The following SNX2 variants were observed in gnomAD, a reference collection of about 807,000 sequenced individuals.
The protein encoded by SNX2 is sorting nexin-2.
SNX2 carries 25 observed loss-of-function variants against 69.9 expected under a neutral mutation model. The observed-to-expected ratio is 0.36, with a 90% CI of 0.26 to 0.50. The LOEUF is 0.50. SNX2 is among the 20% of genes least tolerant of loss of function. The pLI, the probability that SNX2 is intolerant of heterozygous loss-of-function variation, is 0.97. For missense variants in SNX2, 551 were observed against 613.3 expected, an observed-to-expected ratio of 0.90 and a Z score of 1.07; for synonymous variants, 229 against 200.4, an observed-to-expected ratio of 1.14 and a Z score of -1.20.
rs983097680 is a variant in SNX2, at chr5:122,777,840, A to G, written c.108+2629A>G. On this transcript the variant is annotated intron_variant, in intron 1 of 14. Transcript: ENST00000379516. Reference sequence around the variant, plus strand: ...ACGTTTATCAGTTCTTTGTGTTGGAACATTCAAAATCTGCTCATCTAGCCC... The same window carrying G: ...ACGTTTATCAGTTCTTTGTGTTGGAGCATTCAAAATCTGCTCATCTAGCCC... Among the ~76,000 whole-genome samples the G allele has an allele frequency of 6.6e-5, 10 of 152,336 alleles. 1 individual carries two copies. The highest frequency in any genetic ancestry group is 6.8e-3 in the Middle Eastern group (2 of 294).
At chr5:122,780,451 A>G (rs774202717) in intron 1 of SNX2, among the ~76,000 whole-genome samples, 12 of 152,212 alleles carry the variant, frequency 7.9e-5, no homozygotes, top group Non-Finnish European at 1.3e-4. Flanking sequence ...AGAATTATCA[A>G]GAGAAAGTAG....
At chr5:122,788,506 A>G (rs1756415843) in intron 1 of SNX2, among the ~76,000 whole-genome samples, 2 of 152,138 alleles carry the variant, frequency 1.3e-5, no homozygotes, top group African/African-American at 4.8e-5. Context: ...ACATTTTGGT[A>G]TTGTCCCATA....
chr5:122,775,114 A>G lies in SNX2; in HGVS notation c.11A>G (p.Glu4Gly). Residue 4 changes from glutamate (E) to glycine (G), a missense_variant, in exon 1 of 15, where the codon GAG (glutamate) becomes GGG (glycine). Transcript: ENST00000379516. ...TTCGGGTGAGCGAAGATGGCGGCCG[A>G]GAGGGAACCTCCTCCGCTGGGGGAC... MAA[E>G]REPPPLGDGK... 2 of 1,589,794 alleles carry G rather than the reference A, an allele frequency of 1.3e-6. No individual in the cohort carries two copies. Among genetic ancestry groups the G allele is most frequent in the Non-Finnish European group, 1.7e-6 (2 of 1,170,028 alleles).
intron 1 of SNX2, among the ~76,000 whole-genome samples, chr5:122,790,127 T>C (rs529564661): frequency 2.0e-5 from 3 of 152,206 alleles, no homozygotes; most frequent in Admixed American, 6.5e-5. Flanking sequence ...AGGATCCACT[T>C]TTTCTTTTTC....
chr5:122,780,287 T>TA (rs1448392129), intron 1 of SNX2, among the ~76,000 whole-genome samples: 1 of 152,134 alleles, frequency 6.6e-6, no homozygotes, highest in Non-Finnish European at 1.5e-5. Context: ...ATCGTGTGAA[T>TA]AAATACCTGC....
intron 7 of SNX2, among the ~76,000 whole-genome samples, chr5:122,812,571 C>T (rs1753804204): frequency 1.3e-5 from 2 of 152,348 alleles, no homozygotes; most frequent in Admixed American, 1.3e-4. Context: ...ATCTTAAATA[C>T]TTGGTCCCAT....
intron 11 of SNX2, among the ~76,000 whole-genome samples, chr5:122,824,904 A>T (rs1334324748): frequency 6.6e-6 from 1 of 152,158 alleles, no homozygotes; most frequent in Admixed American, 6.5e-5. Context: ...TATACTCCTT[A>T]TGTTATTTCT....
intron 1 of SNX2, 183 bp downstream of exon 1, chr5:122,775,394 C>A (rs1752833217): frequency 1.5e-6 from 2 of 1,294,100 alleles, no homozygotes; most frequent in Non-Finnish European, 2.0e-6. Context: ...CGCAGGGCCT[C>A]CTCAGGAGAG....
Position 122,801,892 on chromosome 5 carries a change from C to T in SNX2, c.414C>T (p.Asp138=). Residue 138 remains aspartate, a synonymous_variant, in exon 4 of 15, where the codon GAC becomes GAT. Coordinates refer to ENST00000379516, the MANE Select transcript of SNX2 (RefSeq NM_003100.4). ...AGATTGAAGAAGAAGCAAATGGAGA[C>T]ATTTTTGACATAGAAATTGGTGTAT... The part of the protein sequence containing the change: ...REEIEEEANG[D]IFDIEIGVSD... 1 of 1,600,498 alleles carries T rather than the reference C, an allele frequency of 6.2e-7. No individual in the cohort carries two copies. Among genetic ancestry groups the T allele is most frequent in the South Asian group, 1.1e-5 (1 of 89,092 alleles).
Position 122,776,891 on chromosome 5 carries a change from G to C in SNX2, c.108+1680G>C, listed in dbSNP as rs571869129. ...TTTTTTCAGTAAGTCTGCAAAGTTT[G>C]ATCATGAATAATTTATCTTGGTTAA... On this transcript the variant is annotated intron_variant, in intron 1 of 14. Transcript: ENST00000379516. 1.7e-4 allele frequency among the ~76,000 whole-genome samples: 26 copies of C among 152,230 alleles called. No homozygotes were observed. The South Asian group carries it at 5.2e-3, about 30-fold the overall frequency.
chr5:122,782,598 A>G (rs10059964), intron 1 of SNX2, among the ~76,000 whole-genome samples: 97,671 of 151,172 alleles, frequency 0.65, 32,175 homozygotes, highest in African/African-American at 0.78. Context: ...AGCAGTTGGC[A>G]CAATCTCTGC....
intron 2 of SNX2, 41 bp downstream of exon 2, chr5:122,795,424 A>G: frequency 7.7e-7 from 1 of 1,298,638 alleles, no homozygotes; most frequent in Non-Finnish European, 1.1e-6. Context: ...GGTCAATTGC[A>G]GTATATTTTC....
chr5:122,787,797 C>T (rs1427839531), intron 1 of SNX2, among the ~76,000 whole-genome samples: 1 of 152,146 alleles, frequency 6.6e-6, no homozygotes, highest in Non-Finnish European at 1.5e-5. Flanking sequence ...GGTGTTAAAA[C>T]TACGAGTACC....
chr5:122,794,817 T>G (rs968433085), intron 1 of SNX2, among the ~76,000 whole-genome samples: 1 of 151,774 alleles, frequency 6.6e-6, no homozygotes, highest in Non-Finnish European at 1.5e-5. Flanking sequence ...AACTCAGGAG[T>G]TCAAGCTGGG....
chr5:122,820,259 C>T (rs1056793728), intron 11 of SNX2, among the ~76,000 whole-genome samples: 3 of 152,126 alleles, frequency 2.0e-5, no homozygotes, highest in East Asian at 1.9e-4. Context: ...ATATCTGGGC[C>T]GGGCACTGTG....
intron 1 of SNX2, among the ~76,000 whole-genome samples, chr5:122,779,312 G>T (rs557087787): frequency 1.1e-4 from 17 of 151,976 alleles, no homozygotes; most frequent in African/African-American, 3.9e-4. Context: ...ATCATCCCAC[G>T]CCTTAATTCC....
chr5:122,826,769 A>T (rs1018104497), intron 12 of SNX2: 2 of 333,092 alleles, frequency 6.0e-6, no homozygotes, highest in Non-Finnish European at 8.6e-6. Flanking sequence ...CAGTTATTTT[A>T]GTTGTTTCAT....
rs527431589 is a variant in SNX2 at position 122,816,766 on chromosome 5, T to C, written c.799-149T>C. ...TATTTGAGAAATTAGATCTCACTAT[T>C]GAAATGTATGAGAGTGAAGAAAATA... On this transcript the variant is annotated intron_variant, in intron 8 of 14. Coordinates refer to ENST00000379516, the MANE Select transcript of SNX2 (RefSeq NM_003100.4). The C allele has an allele frequency of 1.1e-5, 5 of 454,986 alleles. No homozygotes were observed. The South Asian group carries it at 1.1e-4, about 10-fold the overall frequency. 28.2% of individuals were successfully genotyped at this position (454,986 alleles called of 1,614,324 possible). A position where few individuals can be genotyped will look rare whatever the true frequency, so the allele number is the denominator to read the frequency against.
At chr5:122,809,708 T>C in intron 7 of SNX2, among the ~76,000 whole-genome samples, 1 of 152,170 alleles carries the variant, frequency 6.6e-6, no homozygotes, top group East Asian at 1.9e-4. Context: ...CAAATTTTTT[T>C]TTAAACTATT....
Sources: gnomAD v4.1 joint callset for allele counts (sites outside exome capture counted in the v4.1 genomes callset) on GRCh38, gnomAD v4.1.1 for gene constraint, MANE v1.5 for transcripts, NCBI Gene and HGNC (gene_info 2026-07-23, HGNC 2026-07-21) for gene names.